STK38L: variants seen among roughly 807,000 people sequenced by gnomAD.
The protein encoded by STK38L is serine/threonine-protein kinase 38-like.
STK38L carries 28 observed loss-of-function variants against 59.7 expected under a neutral mutation model. That is an observed-to-expected ratio of 0.47 (90% CI 0.35 to 0.64). STK38L has a LOEUF of 0.64. Ranked by LOEUF, STK38L falls within the 30% of genes least tolerant of loss-of-function variation. STK38L has a pLI of 0.01. For synonymous variants in STK38L, 162 were observed against 176.8 expected (o/e 0.92, Z 0.66); for missense variants, 314 against 555.8 (o/e 0.56, Z 4.37).
At position 27,315,002 on chromosome 12, in the gene STK38L, G is replaced by GAT. The variant is rs1944551801; in HGVS notation, c.673-12_673-11dup. 2 of 1,579,160 alleles carry GAT rather than the reference G, an allele frequency of 1.3e-6. No homozygotes were observed. The highest frequency in any genetic ancestry group is 4.5e-5 in the East Asian group (2 of 44,402). ...AAGTTAATATGATCTAATTTTACTG[G>GAT]ATTTTTTTTTAGGGTCATGTAAAAT... On this transcript the variant is annotated splice_polypyrimidine_tract_variant and intron_variant, in intron 7 of 13. Coordinates refer to ENST00000389032, the MANE Select transcript of STK38L (RefSeq NM_015000.4).
chr12:27,271,528 G>A (rs1278794922), intron 1 of STK38L, among the ~76,000 whole-genome samples: 1 of 152,158 alleles, frequency 6.6e-6, no homozygotes, highest in African/African-American at 2.4e-5. Flanking sequence ...GCCATATGCA[G>A]ATGTTTGGGG....
intron 1 of STK38L, chr12:27,293,774 G>A (rs562456274): frequency 1.4e-4 from 22 of 152,278 alleles, no homozygotes; most frequent in Admixed American, 6.5e-4. Context: ...ATTTCTTTGT[G>A]CTTTTTTCAA....
intron 1 of STK38L, among the ~76,000 whole-genome samples, chr12:27,248,639 T>A (rs1246858305): frequency 7.7e-6 from 1 of 129,280 alleles, no homozygotes; most frequent in Non-Finnish European, 1.7e-5. Context: ...TACTCATAGT[T>A]TAAGTACAGC....
intron 12 of STK38L, 127 bp downstream of exon 12, chr12:27,319,550 T>G (rs1944673017): frequency 3.3e-6 from 2 of 599,762 alleles, no homozygotes; most frequent in Non-Finnish European, 5.8e-6. Context: ...AAGTGCAGTG[T>G]TTTCTGGATT....
At position 27,322,246 on chromosome 12, in the gene STK38L, T is replaced by G; in HGVS notation, c.1267+12T>G. 1 of 1,613,668 alleles carries G rather than the reference T, an allele frequency of 6.2e-7. No homozygotes were observed. Among genetic ancestry groups the G allele is most frequent in the Non-Finnish European group, 8.5e-7 (1 of 1,179,858 alleles). On this transcript the variant is annotated intron_variant, in intron 13 of 13. Coordinates refer to ENST00000389032, the MANE Select transcript of STK38L (RefSeq NM_015000.4). ...TATTTTACAACCAGGTAAGACAATCTGTAATGTAACTAACCCTATTAAAAG... is the reference window on the plus strand; with the variant it reads ...TATTTTACAACCAGGTAAGACAATCGGTAATGTAACTAACCCTATTAAAAG...
rs554877776 is a variant in STK38L, at chr12:27,249,202, G to A, written c.-12+4870G>A. 2.3e-3 allele frequency among the ~76,000 whole-genome samples: 351 copies of A among 152,306 alleles called. 4 individuals are homozygous for A. Among genetic ancestry groups the A allele is most frequent in the South Asian group, 0.012 (58 of 4,826 alleles). On this transcript the variant is annotated intron_variant, in intron 1 of 13. Coordinates refer to ENST00000389032, the MANE Select transcript of STK38L (RefSeq NM_015000.4). Reference sequence around the variant, plus strand: ...TAGATGAGCTCTGCACAGATCTTAGGGAAGACCTTAACAGTTACAGGTCAT... The same window carrying A: ...TAGATGAGCTCTGCACAGATCTTAGAGAAGACCTTAACAGTTACAGGTCAT...
At chr12:27,286,068 C>A (rs778884084) in intron 1 of STK38L, among the ~76,000 whole-genome samples, 9 of 152,104 alleles carry the variant, frequency 5.9e-5, no homozygotes, top group Non-Finnish European at 1.0e-4. Flanking sequence ...TTCAAAATTT[C>A]CTTTATTATT....
In STK38L at chr12:27,317,921, A is replaced by T; in HGVS notation, c.981A>T (p.Thr327=). Residue 327 remains threonine (T), a synonymous_variant, in exon 11 of 14, where the codon ACA becomes ACT. Transcript: ENST00000389032. ...LIGYPPFCSE[T]PQETYRKVMN... ...GATATCCACCTTTCTGCTCTGAAAC[A>T]CCTCAAGAAACGTACAGAAAAGTGA... 1 of 1,613,918 alleles carries T rather than the reference A, an allele frequency of 6.2e-7. No homozygotes were observed. Among genetic ancestry groups the T allele is most frequent in the East Asian group, 2.2e-5 (1 of 44,854 alleles).
At chr12:27,252,906 A>G (rs1184306515) in intron 1 of STK38L, among the ~76,000 whole-genome samples, 5 of 152,182 alleles carry the variant, frequency 3.3e-5, no homozygotes, top group South Asian at 2.1e-4. Context: ...AGACAAATAG[A>G]TGTTTGGCCC....
At chr12:27,320,769 T>A (rs1175110262) in intron 12 of STK38L, among the ~76,000 whole-genome samples, 10 of 150,840 alleles carry the variant, frequency 6.6e-5, no homozygotes, top group Non-Finnish European at 1.5e-4. Flanking sequence ...ACTATAGTGC[T>A]GCAGCTAGTA....
chr12:27,269,781 T>C (rs959805198), intron 1 of STK38L, among the ~76,000 whole-genome samples: 19 of 152,190 alleles, frequency 1.2e-4, no homozygotes, highest in Non-Finnish European at 2.5e-4. Flanking sequence ...TAGCTGGGAT[T>C]ACAGGCACCC....
intron 3 of STK38L, among the ~76,000 whole-genome samples, chr12:27,307,429 A>G (rs1234097742): frequency 6.6e-6 from 1 of 152,250 alleles, no homozygotes; most frequent in African/African-American, 2.4e-5. Flanking sequence ...AGGCTATACC[A>G]TGAGCTGCAT....
chr12:27,277,705 C>T (rs1040749522), intron 1 of STK38L, among the ~76,000 whole-genome samples: 5 of 152,042 alleles, frequency 3.3e-5, no homozygotes, highest in Non-Finnish European at 5.9e-5. Flanking sequence ...CCAGTTCCTC[C>T]TGACCAATTT....
At chr12:27,248,094 G>A (rs1291757068) in intron 1 of STK38L, among the ~76,000 whole-genome samples, 1 of 152,276 alleles carries the variant, frequency 6.6e-6, no homozygotes, top group East Asian at 1.9e-4. Context: ...GATTACAGGT[G>A]TGAGCCAATG....
Position 27,315,357 on chromosome 12 carries a change from C to T in STK38L, c.837+7C>T, listed in dbSNP as rs1944560732. 4 of 1,610,654 alleles carry T rather than the reference C, an allele frequency of 2.5e-6. No individual in the cohort carries two copies. Among genetic ancestry groups the T allele is most frequent in the Non-Finnish European group, 3.4e-6 (4 of 1,178,528 alleles). On this transcript the variant is annotated splice_region_variant and intron_variant, in intron 9 of 13. Coordinates refer to ENST00000389032, the MANE Select transcript of STK38L (RefSeq NM_015000.4). ...GAAGAACAGGAGACAACTGGTGAGT[C>T]AACCAGTTTTTAAGAGAATTTTATG...
chr12:27,298,667 A>T (rs6487598), intron 2 of STK38L, among the ~76,000 whole-genome samples: 5,982 of 152,240 alleles, frequency 0.039, 409 homozygotes, highest in East Asian at 0.33. Context: ...AGCTTTGTAA[A>T]TAGTGGTGGC....
At chr12:27,262,709 TAAAA>T (rs11350734) in intron 1 of STK38L, among the ~76,000 whole-genome samples, 3 of 133,032 alleles carry the variant, frequency 2.3e-5, no homozygotes, top group Admixed American at 1.5e-4. Context: ...TATCTCTAAT[TAAAA>T]AAAAAAAAAA....
At chr12:27,301,896 C>T (rs1480451885) in intron 2 of STK38L, among the ~76,000 whole-genome samples, 3 of 152,100 alleles carry the variant, frequency 2.0e-5, no homozygotes, top group African/African-American at 7.2e-5. Context: ...TTCATTTAGG[C>T]AGGAGCGTGA....
rs150413051 is a variant in STK38L at position 27,256,280 on chromosome 12, A to G, written c.-12+11948A>G. Among the ~76,000 whole-genome samples the G allele has an allele frequency of 5.9e-3, 891 of 152,234 alleles. 9 individuals carry two copies. The highest frequency in any genetic ancestry group is 0.02 in the African/African-American group (838 of 41,534). On this transcript the variant is annotated intron_variant, in intron 1 of 13. Coordinates refer to ENST00000389032, the MANE Select transcript of STK38L (RefSeq NM_015000.4). ...TCCTTAAAATTTCTAGTGACTCCCC[A>G]TGGCCTCTTCCAGGCTCCTTAGTGT...
Sources: allele counts gnomAD v4.1 joint callset (sites outside exome capture counted in the v4.1 genomes callset), GRCh38; gene constraint gnomAD v4.1.1; transcripts MANE v1.5; gene names NCBI Gene and HGNC (gene_info 2026-07-23, HGNC 2026-07-21).